EML6: variants seen among roughly 807,000 people sequenced by gnomAD.
The protein encoded by EML6 is EMAP like 6.
Under a neutral mutation model 240.1 loss-of-function variants are expected in EML6, and 154 were observed. The observed-to-expected ratio is 0.64, with a 90% CI of 0.56 to 0.73. The LOEUF (loss-of-function observed/expected upper bound fraction) is 0.73, where lower values mean the gene tolerates loss of function less well. Ranked by LOEUF, EML6 falls within the 30% of genes least tolerant of loss-of-function variation. EML6 has a pLI of 0.00. For missense variants in EML6, 2,964 were observed against 2,474.6 expected (o/e 1.20, Z -4.20); for synonymous variants, 1,148 against 899.0 (o/e 1.28, Z -4.95).
Position 54,950,534 on chromosome 2 carries a change from C to T in EML6, c.4084-116C>T, listed in dbSNP as rs990394453. 124 of 1,137,304 alleles carry T rather than the reference C, an allele frequency of 1.1e-4. No individual in the cohort carries two copies. In the African/African-American group the frequency reaches 1.3e-3, roughly 12 times the overall value. The allele number at this position is 1,137,304 out of a possible 1,614,324, so 70.5% of individuals were successfully genotyped here. Reference sequence around the variant, plus strand: ...AATGTTTTCAGTGAGTGTGTGTTGGCGTCACCAGCCATACCGTTCCTGGGA... The same window carrying T: ...AATGTTTTCAGTGAGTGTGTGTTGGTGTCACCAGCCATACCGTTCCTGGGA... On this transcript the variant is annotated intron_variant, in intron 29 of 41. Coordinates refer to ENST00000356458, the MANE Select transcript of EML6 (RefSeq NM_001039753.4).
chr2:54,850,172 AC>A lies in EML6; in HGVS notation c.1399del (p.Gln467LysfsTer20). 6.4e-7 allele frequency: 1 copy of A among 1,551,674 alleles called. No homozygotes were observed. The highest frequency in any genetic ancestry group is 8.7e-7 in the Non-Finnish European group (1 of 1,146,902). ...IDWSLDSKYL[Q>X]TNDGAGERLF... Reference sequence around the variant, plus strand: ...ACTGGTCCTTGGATAGTAAATACTTACAAACTAATGACGGTGCAGGAGAACG... The same window carrying A: ...ACTGGTCCTTGGATAGTAAATACTTAAAACTAATGACGGTGCAGGAGAACG... On this transcript the variant is annotated frameshift_variant, in exon 10 of 42. Transcript: ENST00000356458. LOFTEE classifies it high-confidence loss of function.
chr2:54,964,611 G>T lies in EML6; in HGVS notation c.5371G>T (p.Glu1791Ter). 6.4e-7 allele frequency: 1 copy of T among 1,552,404 alleles called. No individual in the cohort carries two copies. The highest frequency in any genetic ancestry group is 8.7e-7 in the Non-Finnish European group (1 of 1,147,142). The change falls in exon 38 of 42, where the codon GAA (glutamate) becomes TAA (stop). Residue 1791 changes from glutamate (E) to a stop codon, truncating the protein, a stop_gained. Coordinates refer to ENST00000356458, the MANE Select transcript of EML6 (RefSeq NM_001039753.4). LOFTEE classifies it high-confidence loss of function. ...CCGATTCTTAGCCGTTGGTTCTTCT[G>T]AACACACAGTTGACTTCTATGACCT... is the stretch of plus-strand genomic sequence containing the variant. ...DNRFLAVGSS[E>*]HTVDFYDLTQ...
intron 28 of EML6, among the ~76,000 whole-genome samples, chr2:54,947,925 C>A (rs1025882706): frequency 6.6e-6 from 1 of 152,190 alleles, no homozygotes; most frequent in Non-Finnish European, 1.5e-5. Flanking sequence ...TTGGAAAATG[C>A]TTGTGCATGA....
chr2:54,802,898 G>A (rs1670251430), intron 2 of EML6, among the ~76,000 whole-genome samples: 1 of 152,074 alleles, frequency 6.6e-6, no homozygotes, highest in Admixed American at 6.5e-5. Context: ...CTTACACCAA[G>A]TTCTGTGATA....
At chr2:54,861,845 ATAAACG>A (rs1365000270) in intron 12 of EML6, among the ~76,000 whole-genome samples, 1 of 151,792 alleles carries the variant, frequency 6.6e-6, no homozygotes, top group Non-Finnish European at 1.5e-5. Flanking sequence ...GAAATTCCAG[ATAAACG>A]AGCAAGACAT....
chr2:54,796,188 C>G (rs1669759744), intron 2 of EML6, among the ~76,000 whole-genome samples: 1 of 152,184 alleles, frequency 6.6e-6, no homozygotes. Context: ...TCTATGACAT[C>G]TCTCTCTCCA....
At chr2:54,959,368 C>T (rs1573219389) in intron 34 of EML6, 107 bp downstream of exon 34, 1 of 1,120,818 alleles carries the variant, frequency 8.9e-7, no homozygotes, top group East Asian at 2.6e-5. Context: ...ATCCTCCTAT[C>T]TTTTTTGCAT....
In EML6 at chr2:54,813,433, C is replaced by A. The variant is rs764352556; in HGVS notation, c.357+42C>A. 3 of 1,481,362 alleles carry A rather than the reference C, an allele frequency of 2.0e-6. No homozygotes were observed. In the African/African-American group the frequency reaches 4.2e-5, roughly 21 times the overall value. The allele number at this position is 1,481,362 out of a possible 1,614,324, so 91.8% of individuals were successfully genotyped here. On this transcript the variant is annotated intron_variant, in intron 3 of 41. Coordinates refer to ENST00000356458, the MANE Select transcript of EML6 (RefSeq NM_001039753.4). Reference sequence around the variant, plus strand: ...AGTTGTTTTATTTAATGACTTCTCACAACTCACTTAAAACTATAATAGGAA... The same window carrying A: ...AGTTGTTTTATTTAATGACTTCTCAAAACTCACTTAAAACTATAATAGGAA...
At chr2:54,740,433 A>G (rs1683580374) in intron 2 of EML6, among the ~76,000 whole-genome samples, 1 of 152,170 alleles carries the variant, frequency 6.6e-6, no homozygotes, top group Admixed American at 6.5e-5. Context: ...TGAGTCTGGA[A>G]AACGGCCCAG....
chr2:54,777,943 A>G (rs995559641), intron 2 of EML6, among the ~76,000 whole-genome samples: 6 of 152,242 alleles, frequency 3.9e-5, no homozygotes, highest in Non-Finnish European at 5.9e-5. Flanking sequence ...AAAAAATACC[A>G]CTGGTTCTAT....
At chr2:54,912,187 C>A (rs766431284) in intron 25 of EML6, among the ~76,000 whole-genome samples, 2 of 152,208 alleles carry the variant, frequency 1.3e-5, no homozygotes, top group African/African-American at 4.8e-5. Flanking sequence ...AAAAAATATA[C>A]ATCGTTATAG....
At chr2:54,737,975 G>A (rs952589680) in intron 2 of EML6, among the ~76,000 whole-genome samples, 13 of 152,072 alleles carry the variant, frequency 8.5e-5, no homozygotes, top group South Asian at 6.2e-4. Context: ...CACTCTTTCT[G>A]CCTGGATCCT....
Position 54,905,745 on chromosome 2 carries a change from T to C in EML6, c.3409+2243T>C, listed in dbSNP as rs1285700504. Among the ~76,000 whole-genome samples, 6 of 152,222 alleles carry C rather than the reference T, an allele frequency of 3.9e-5. No homozygotes were observed. The South Asian group carries it at 1.2e-3, about 32-fold the overall frequency. On this transcript the variant is annotated intron_variant, in intron 24 of 41. Coordinates refer to ENST00000356458, the MANE Select transcript of EML6 (RefSeq NM_001039753.4). The stretch of plus-strand genomic sequence containing the variant: ...ATTTTACTTTCTGTCTCTATGAATG[T>C]AACCACTCTAGGTACCTCGTATAAG...
chr2:54,796,979 T>C lies in EML6; in HGVS notation c.198-16253T>C, dbSNP rs150226271. The stretch of plus-strand genomic sequence containing the variant: ...GAGATCCAGACCATACTGGCTAACG[T>C]GGTGAAACCTGGTCTCTACTTAAAA... On this transcript the variant is annotated intron_variant, in intron 2 of 41. Coordinates refer to ENST00000356458, the MANE Select transcript of EML6 (RefSeq NM_001039753.4). Among the ~76,000 whole-genome samples, 654 of 151,646 alleles carry C rather than the reference T, an allele frequency of 4.3e-3. 5 individuals carry two copies. The highest frequency in any genetic ancestry group is 0.015 in the African/African-American group (633 of 41,328).
At chr2:54,917,365 T>G (rs1051959768) in intron 26 of EML6, among the ~76,000 whole-genome samples, 10 of 149,820 alleles carry the variant, frequency 6.7e-5, no homozygotes, top group Admixed American at 1.3e-4. Context: ...TTTGTTTTTT[T>G]TTTTTTTTTT....
intron 2 of EML6, among the ~76,000 whole-genome samples, chr2:54,789,357 C>T (rs1427290963): frequency 6.6e-6 from 1 of 150,646 alleles, no homozygotes; most frequent in Non-Finnish European, 1.5e-5. Context: ...ACTAAAAATA[C>T]AAAAAAATTA....
chr2:54,952,039 T>C (rs1290668557), intron 30 of EML6, among the ~76,000 whole-genome samples: 2 of 152,248 alleles, frequency 1.3e-5, no homozygotes, highest in African/African-American at 4.8e-5. Context: ...CTGTGACATA[T>C]GTCGAGTTAG....
chr2:54,751,146 T>C (rs1197957450), intron 2 of EML6, among the ~76,000 whole-genome samples: 1 of 152,174 alleles, frequency 6.6e-6, no homozygotes, highest in African/African-American at 2.4e-5. Flanking sequence ...CAATATCTTT[T>C]TAGGTTGAGA....
intron 2 of EML6, among the ~76,000 whole-genome samples, chr2:54,806,950 C>G (rs1337954691): frequency 6.6e-6 from 1 of 152,084 alleles, no homozygotes; most frequent in African/African-American, 2.4e-5. Context: ...TGTCACGGAA[C>G]AAACAGCTCT....
Sources: allele counts gnomAD v4.1 joint callset (sites outside exome capture counted in the v4.1 genomes callset), GRCh38; gene constraint gnomAD v4.1.1; transcripts MANE v1.5; gene names NCBI Gene and HGNC (gene_info 2026-07-23, HGNC 2026-07-21).